Variants in EPHA4 observed in about 807,000 individuals in gnomAD.
The protein encoded by EPHA4 is ephrin type-A receptor 4.
Under a neutral mutation model 108.3 loss-of-function variants are expected in EPHA4, and 19 were observed. The ratio of observed to expected loss-of-function variants is 0.18; its 90% CI spans 0.12 to 0.26. The LOEUF (loss-of-function observed/expected upper bound fraction) is 0.26. EPHA4 is among the 10% of genes least tolerant of loss of function. The pLI, the probability that EPHA4 is intolerant of heterozygous loss-of-function variation, is 1.00. For missense variants in EPHA4, 917 were observed against 1,254.0 expected, an observed-to-expected ratio of 0.73 and a Z score of 4.06; for synonymous variants, 449 against 455.5, an observed-to-expected ratio of 0.99 and a Z score of 0.18.
chr2:221,425,995 A>AT lies in EPHA4; in HGVS notation c.*32dup. On this transcript the variant is annotated 3_prime_UTR_variant, in exon 17 of 18. Coordinates refer to ENST00000281821, the MANE Select transcript of EPHA4 (RefSeq NM_004438.5). Reference sequence around the variant, plus strand: ...TAAAGTGCATGGATGAGGTAAACTAATTTCAAGAGTTTTGAGTTTATTCAG... The same window carrying AT: ...TAAAGTGCATGGATGAGGTAAACTAATTTTCAAGAGTTTTGAGTTTATTCAG... The AT allele has an allele frequency of 6.3e-7, 1 of 1,581,526 alleles. No individual in the cohort carries two copies. Among genetic ancestry groups the AT allele is most frequent in the South Asian group, 1.1e-5 (1 of 90,176 alleles).
At chr2:221,558,855 G>A (rs1443277026) in intron 3 of EPHA4, among the ~76,000 whole-genome samples, 3 of 152,236 alleles carry the variant, frequency 2.0e-5, no homozygotes, top group Middle Eastern at 3.4e-3. Flanking sequence ...CTTCAAAGCC[G>A]GAGATAAAAG....
At chr2:221,497,563 ACT>A (rs1214361777) in intron 4 of EPHA4, among the ~76,000 whole-genome samples, 13 of 152,028 alleles carry the variant, frequency 8.6e-5, no homozygotes, top group East Asian at 1.9e-4. Flanking sequence ...ATAGGGTGAA[ACT>A]CTGTCTCTAC....
Position 221,452,178 on chromosome 2 carries a change from C to A in EPHA4, c.1715+3369G>T, listed in dbSNP as rs571814498. The stretch of plus-strand genomic sequence containing the variant: ...TGCATGCCATCAGCAGAGTGGGAGT[C>A]AGTTCAAGGGGACCCCCATAAGGGA... On this transcript the variant is annotated intron_variant, in intron 8 of 17. Coordinates refer to ENST00000281821, the MANE Select transcript of EPHA4 (RefSeq NM_004438.5). Among the ~76,000 whole-genome samples the A allele has an allele frequency of 2.6e-5, 4 of 152,294 alleles. 2 individuals carry two copies. Among genetic ancestry groups the A allele is most frequent in the African/African-American group, 9.6e-5 (4 of 41,576 alleles).
upstream of EPHA4, chr2:221,572,395 G>A (rs1694873904): frequency 1.6e-6 from 1 of 644,982 alleles, no homozygotes; most frequent in Non-Finnish European, 2.6e-6. Context: ...GCGGCCAATG[G>A]CGGCGCAGAC....
chr2:221,562,379 C>T (rs1022969033), intron 3 of EPHA4, among the ~76,000 whole-genome samples: 1 of 152,160 alleles, frequency 6.6e-6, no homozygotes, highest in Admixed American at 6.5e-5. Flanking sequence ...TAACGTGTAA[C>T]TTTATGACAC....
intron 3 of EPHA4, among the ~76,000 whole-genome samples, chr2:221,521,624 AC>A (rs1205371168): frequency 1.3e-5 from 2 of 152,204 alleles, no homozygotes; most frequent in African/African-American, 2.4e-5. Flanking sequence ...TTAAGGAAGA[AC>A]CTTGTAAATA....
rs1694555849 is a variant in EPHA4 at position 221,564,185 on chromosome 2, G to A, written c.369C>T (p.Asn123=). The change falls in exon 3 of 18, where the codon AAC becomes AAT. Residue 123 remains asparagine, a synonymous_variant. Transcript: ENST00000281821. ...GVMGTCKETF[N]LYYYESDNDK... is the part of the protein sequence containing the mutation. ...CGTTGTCTGATTCATAGTAGTACAG[G>A]TTAAACGTCTCCTTGCAAGTCCCCA... 6.2e-7 allele frequency: 1 copy of A among 1,614,086 alleles called. No homozygotes were observed. The highest frequency in any genetic ancestry group is 1.3e-5 in the African/African-American group (1 of 75,004).
intron 5 of EPHA4, among the ~76,000 whole-genome samples, chr2:221,469,953 G>A (rs1691429297): frequency 6.6e-6 from 1 of 152,166 alleles, no homozygotes; most frequent in South Asian, 2.1e-4. Flanking sequence ...ACCATAAATT[G>A]AAGATAGATG....
chr2:221,539,265 T>A, intron 3 of EPHA4, among the ~76,000 whole-genome samples: 1 of 152,170 alleles, frequency 6.6e-6, no homozygotes, highest in Non-Finnish European at 1.5e-5. Context: ...ACTACTTGCA[T>A]TTTATATATG....
intron 3 of EPHA4, among the ~76,000 whole-genome samples, chr2:221,529,178 T>G (rs541084570): frequency 6.6e-6 from 1 of 152,274 alleles, no homozygotes; most frequent in Non-Finnish European, 1.5e-5. Context: ...CACTGTTGCT[T>G]GACATCAGAA....
chr2:221,511,330 G>C (rs183791542), intron 3 of EPHA4, among the ~76,000 whole-genome samples: 1 of 152,312 alleles, frequency 6.6e-6, no homozygotes, highest in Admixed American at 6.5e-5. Context: ...TAATTTAGGA[G>C]TATGCACCTA....
chr2:221,566,297 G>A (rs1694625412), intron 2 of EPHA4, among the ~76,000 whole-genome samples: 1 of 151,742 alleles, frequency 6.6e-6, no homozygotes, highest in Non-Finnish European at 1.5e-5. Context: ...ACTATCTCAA[G>A]TTAACAGTGA....
chr2:221,497,982 A>T (rs1692350295), intron 4 of EPHA4, among the ~76,000 whole-genome samples: 1 of 152,168 alleles, frequency 6.6e-6, no homozygotes. Flanking sequence ...TCCCCTTTGC[A>T]TCCTTAAGAT....
intron 11 of EPHA4, among the ~76,000 whole-genome samples, chr2:221,440,524 T>C (rs914884180): frequency 6.6e-6 from 1 of 151,816 alleles, no homozygotes; most frequent in African/African-American, 2.4e-5. Context: ...GTAAAACTAA[T>C]CTCAAAAAGC....
chr2:221,521,979 T>A (rs1693178836), intron 3 of EPHA4, among the ~76,000 whole-genome samples: 2 of 151,782 alleles, frequency 1.3e-5, no homozygotes, highest in Admixed American at 1.3e-4. Flanking sequence ...TCCATCTCAA[T>A]AAATTAAAAA....
rs3770174 is a variant in EPHA4, at chr2:221,458,600, C to T, written c.1319-610G>A. On this transcript the variant is annotated intron_variant, in intron 5 of 17. Coordinates refer to ENST00000281821, the MANE Select transcript of EPHA4 (RefSeq NM_004438.5). ...AGCAGTGCTGGTCTCTCTGAACATG[C>T]GTGGCATTTTGCAGCTATTTTACAA... Among the ~76,000 whole-genome samples the T allele has an allele frequency of 0.013, 1,908 of 152,298 alleles. 109 individuals carry two copies. In the East Asian group the frequency reaches 0.13, roughly 10 times the overall value.
At chr2:221,532,129 T>A (rs865984541) in intron 3 of EPHA4, among the ~76,000 whole-genome samples, 4 of 148,982 alleles carry the variant, frequency 2.7e-5, no homozygotes, top group African/African-American at 9.8e-5. Context: ...ATTTATTCTT[T>A]TTTTTTTTTT....
intron 3 of EPHA4, among the ~76,000 whole-genome samples, chr2:221,514,907 G>A (rs753131902): frequency 6.6e-6 from 1 of 152,054 alleles, no homozygotes; most frequent in Non-Finnish European, 1.5e-5. Flanking sequence ...GAAAGCAAGA[G>A]AAACAGATCA....
At chr2:221,504,611 G>A (rs1692578065) in intron 3 of EPHA4, among the ~76,000 whole-genome samples, 2 of 151,706 alleles carry the variant, frequency 1.3e-5, no homozygotes, top group South Asian at 4.2e-4. Context: ...ATAATTGATA[G>A]TATCTGATTG....
Sources: gnomAD v4.1 joint callset for allele counts (sites outside exome capture counted in the v4.1 genomes callset) on GRCh38, gnomAD v4.1.1 for gene constraint, MANE v1.5 for transcripts, NCBI Gene and HGNC (gene_info 2026-07-23, HGNC 2026-07-21) for gene names.